Variants in CUBN observed in about 807,000 individuals in gnomAD.
CUBN encodes the protein cubilin, also known as 460 kDa receptor.
CUBN carries 282 observed loss-of-function variants against 405.3 expected under a neutral mutation model. The ratio of observed to expected loss-of-function variants is 0.70; its 90% CI spans 0.63 to 0.77. CUBN has a LOEUF of 0.77. CUBN is among the 30% of genes least tolerant of loss of function. The pLI is 0.00. For synonymous variants in CUBN, 1,684 were observed against 1,617.0 expected (o/e 1.04, Z -0.99); for missense variants, 4,514 against 4,475.2 (o/e 1.01, Z -0.25).
chr10:16,864,754 G>A (rs1451595899), intron 59 of CUBN, among the ~76,000 whole-genome samples: 3 of 148,670 alleles, frequency 2.0e-5, no homozygotes, highest in South Asian at 2.1e-4. Flanking sequence ...AGGTTCAAGC[G>A]ATTCTCCTGC....
At chr10:17,066,522 C>T (rs1182470781) in intron 21 of CUBN, among the ~76,000 whole-genome samples, 1 of 151,790 alleles carries the variant, frequency 6.6e-6, no homozygotes, top group South Asian at 2.1e-4. Flanking sequence ...TGTATAATAC[C>T]ATTGCAGTGT....
At chr10:16,966,452 C>T (rs1039547131) in intron 31 of CUBN, among the ~76,000 whole-genome samples, 2 of 129,390 alleles carry the variant, frequency 1.5e-5, no homozygotes, top group African/African-American at 5.8e-5. Context: ...TGCTTTACTA[C>T]ATTTTTTTTT....
At chr10:17,074,893 G>A (rs888461625) in intron 17 of CUBN, among the ~76,000 whole-genome samples, 1 of 151,942 alleles carries the variant, frequency 6.6e-6, no homozygotes, top group Non-Finnish European at 1.5e-5. Flanking sequence ...AATAATCAAG[G>A]AGTGATATTA....
intron 43 of CUBN, among the ~76,000 whole-genome samples, chr10:16,924,289 C>T (rs1192775912): frequency 5.9e-5 from 9 of 152,224 alleles, no homozygotes; most frequent in East Asian, 1.9e-4. Flanking sequence ...AGCAATGGCG[C>T]GGGTGCCCAC....
chr10:17,003,700 G>C (rs763585626), intron 28 of CUBN, among the ~76,000 whole-genome samples: 2 of 152,124 alleles, frequency 1.3e-5, no homozygotes, highest in Non-Finnish European at 2.9e-5. Flanking sequence ...TCTGTGCCAG[G>C]ATTTATCACA....
At chr10:17,118,995 T>C (rs1289443759) in intron 6 of CUBN, among the ~76,000 whole-genome samples, 2 of 152,224 alleles carry the variant, frequency 1.3e-5, no homozygotes, top group African/African-American at 2.4e-5. Flanking sequence ...TTGAAAACAC[T>C]GCAAGTGCAT....
At chr10:16,939,492 A>C (rs1842599677) in intron 37 of CUBN, among the ~76,000 whole-genome samples, 1 of 152,248 alleles carries the variant, frequency 6.6e-6, no homozygotes, top group African/African-American at 2.4e-5. Context: ...AGAATGGAAC[A>C]TTTAAAGAAA....
At chr10:17,127,246 G>GTCTC (rs1188395787) in intron 3 of CUBN, among the ~76,000 whole-genome samples, 3 of 125,274 alleles carry the variant, frequency 2.4e-5, no homozygotes, top group East Asian at 2.2e-4. Flanking sequence ...CTCTCTTTCT[G>GTCTC]TCTCTCTCTC....
At chr10:17,100,748 G>A (rs574528162) in intron 13 of CUBN, among the ~76,000 whole-genome samples, 175 of 152,310 alleles carry the variant, frequency 1.1e-3, no homozygotes, top group African/African-American at 4.2e-3. Context: ...AGCCCAGACC[G>A]ACACGCTCAG....
At chr10:17,049,481 G>A (rs1362660938) in intron 22 of CUBN, among the ~76,000 whole-genome samples, 1 of 152,190 alleles carries the variant, frequency 6.6e-6, no homozygotes. Context: ...CTCAGGTGGA[G>A]GAACCTGAAT....
intron 28 of CUBN, among the ~76,000 whole-genome samples, chr10:17,007,625 G>T (rs1296005954): frequency 1.3e-5 from 2 of 151,958 alleles, no homozygotes; most frequent in Non-Finnish European, 2.9e-5. Flanking sequence ...GAGTCCAGTG[G>T]GGAGGGTGGG....
At chr10:16,953,099 G>A (rs962620440) in intron 32 of CUBN, among the ~76,000 whole-genome samples, 1 of 152,182 alleles carries the variant, frequency 6.6e-6, no homozygotes, top group Admixed American at 6.5e-5. Context: ...AGGCCAGGTG[G>A]AGACGGGACA....
chr10:16,915,503 A>G (rs1425242117), intron 46 of CUBN, among the ~76,000 whole-genome samples: 1 of 152,164 alleles, frequency 6.6e-6, no homozygotes, highest in Admixed American at 6.5e-5. Flanking sequence ...TCCCTTCCCC[A>G]TCTCAAGCTA....
intron 22 of CUBN, among the ~76,000 whole-genome samples, chr10:17,061,960 A>G (rs1156903435): frequency 6.6e-6 from 1 of 152,202 alleles, no homozygotes; most frequent in Admixed American, 6.5e-5. Context: ...GATAAATTCA[A>G]CATCCTAGAC....
intron 59 of CUBN, among the ~76,000 whole-genome samples, chr10:16,865,651 A>G (rs894124467): frequency 6.6e-5 from 10 of 152,146 alleles, no homozygotes; most frequent in Admixed American, 1.3e-4. Context: ...TGTAAAATGC[A>G]CCAATCAGCA....
At chr10:17,045,860 G>C (rs904283960) in intron 24 of CUBN, 74 bp downstream of exon 24, 1 of 1,469,384 alleles carries the variant, frequency 6.8e-7, no homozygotes, top group Non-Finnish European at 9.5e-7. Flanking sequence ...GTGAGGGACA[G>C]AGCATGACAA....
chr10:16,975,624 C>CTT lies in CUBN; in HGVS notation c.4695+6858_4695+6859dup, dbSNP rs199779818. Reference sequence around the variant, plus strand: ...CATTCAAACTTCTCTTAAAGACCTTCTTTTTTTTTTTTTTTTTTTTTTTTT... The same window carrying CTT: ...CATTCAAACTTCTCTTAAAGACCTTCTTTTTTTTTTTTTTTTTTTTTTTTTTT... On this transcript the variant is annotated intron_variant, in intron 31 of 66. Transcript: ENST00000377833. Among the ~76,000 whole-genome samples the CTT allele has an allele frequency of 9.2e-3, 1,137 of 123,846 alleles. 37 individuals carry two copies. Among genetic ancestry groups the CTT allele is most frequent in the South Asian group, 0.015 (55 of 3,620 alleles). The allele number at this position is 123,846 out of a possible 152,430, so 81.2% of individuals were successfully genotyped here.
In CUBN at chr10:17,048,202, A is replaced by C. The variant is rs115405851; in HGVS notation, c.3140-599T>G. On this transcript the variant is annotated intron_variant, in intron 22 of 66. Coordinates refer to ENST00000377833, the MANE Select transcript of CUBN (RefSeq NM_001081.4). The stretch of plus-strand genomic sequence containing the variant: ...CCTTTGACTGAAGGTTTAAGAGTTA[A>C]AGATAATGCATTACAAGGGCTTAGC... 6.7e-3 allele frequency among the ~76,000 whole-genome samples: 1,023 copies of C among 152,380 alleles called. 11 individuals carry two copies. Among genetic ancestry groups the C allele is most frequent in the African/African-American group, 0.024 (981 of 41,594 alleles).
intron 44 of CUBN, 79 bp downstream of exon 44, chr10:16,919,884 G>T (rs1315273025): frequency 2.8e-6 from 4 of 1,441,124 alleles, no homozygotes; most frequent in Admixed American, 1.8e-5. Context: ...GCTACTGAAA[G>T]AAATGGACTG....
Sources: allele counts gnomAD v4.1 joint callset (sites outside exome capture counted in the v4.1 genomes callset), GRCh38; gene constraint gnomAD v4.1.1; transcripts MANE v1.5; gene names NCBI Gene and HGNC (gene_info 2026-07-23, HGNC 2026-07-21).